The following LRRC4C variants were observed in gnomAD, a reference collection of about 807,000 sequenced individuals.
The protein encoded by LRRC4C is leucine rich repeat containing 4C.
LRRC4C carries 5 observed loss-of-function variants against 33.6 expected under a neutral mutation model. The observed-to-expected ratio is 0.15, with a 90% CI of 0.08 to 0.31. The LOEUF (loss-of-function observed/expected upper bound fraction) is 0.31, where lower values mean the gene tolerates loss of function less well. Among genes scored for constraint, LRRC4C ranks in the 10% least tolerant of loss-of-function variants. The probability of loss-of-function intolerance (pLI) is 1.00; values close to 1 mark genes in which losing one functional copy is unlikely to be tolerated. For missense variants in LRRC4C, 560 were observed against 796.7 expected, an observed-to-expected ratio of 0.70 and a Z score of 3.58; for synonymous variants, 329 against 302.0, an observed-to-expected ratio of 1.09 and a Z score of -0.93.
intron 4 of LRRC4C, among the ~76,000 whole-genome samples, chr11:40,301,179 A>G (rs1211149288): frequency 1.3e-5 from 2 of 152,236 alleles, no homozygotes; most frequent in African/African-American, 4.8e-5. Flanking sequence ...ACTTAAAGTA[A>G]TAAGAAGAAA....
At chr11:41,137,468 A>G (rs1359308585) in intron 1 of LRRC4C, among the ~76,000 whole-genome samples, 1 of 152,174 alleles carries the variant, frequency 6.6e-6, no homozygotes, top group African/African-American at 2.4e-5. Flanking sequence ...ATAGCATGGT[A>G]TGAAAACTGT....
chr11:40,699,338 A>T (rs1323989376), intron 2 of LRRC4C, among the ~76,000 whole-genome samples: 1 of 152,082 alleles, frequency 6.6e-6, no homozygotes, highest in Non-Finnish European at 1.5e-5. Flanking sequence ...ACAGAGATTG[A>T]TTCAGCTCAG....
chr11:40,759,152 A>G (rs1949078808), intron 2 of LRRC4C, among the ~76,000 whole-genome samples: 1 of 147,214 alleles, frequency 6.8e-6, no homozygotes, highest in African/African-American at 2.5e-5. Flanking sequence ...TTCCATATAT[A>G]TGTAAAACTA....
chr11:40,988,114 C>G (rs1853205524), intron 1 of LRRC4C, among the ~76,000 whole-genome samples: 1 of 152,044 alleles, frequency 6.6e-6, no homozygotes, highest in African/African-American at 2.4e-5. Flanking sequence ...GTAGTTTTTG[C>G]TCACAGGAGT....
chr11:41,191,928 C>T (rs1031078492), intron 1 of LRRC4C, among the ~76,000 whole-genome samples: 2 of 152,080 alleles, frequency 1.3e-5, no homozygotes, highest in Non-Finnish European at 1.5e-5. Context: ...CATCTAATTT[C>T]GGTGCCAAAG....
chr11:40,473,669 G>GT (rs1000628330), intron 3 of LRRC4C, among the ~76,000 whole-genome samples: 2 of 152,122 alleles, frequency 1.3e-5, no homozygotes, highest in Non-Finnish European at 2.9e-5. Context: ...AATTGTCTCT[G>GT]TTTACAGATG....
chr11:41,111,665 GT>G (rs1422155496), intron 1 of LRRC4C, among the ~76,000 whole-genome samples: 1 of 151,992 alleles, frequency 6.6e-6, no homozygotes, highest in East Asian at 1.9e-4. Flanking sequence ...TTACAGACAG[GT>G]TGCTCTGCTG....
At chr11:41,027,548 T>C (rs1182747287) in intron 1 of LRRC4C, among the ~76,000 whole-genome samples, 1 of 151,746 alleles carries the variant, frequency 6.6e-6, no homozygotes, top group African/African-American at 2.4e-5. Context: ...ACAATAATTT[T>C]AACGTTAAAA....
At chr11:40,123,466 G>C (rs548441459) in intron 6 of LRRC4C, among the ~76,000 whole-genome samples, 1 of 151,810 alleles carries the variant, frequency 6.6e-6, no homozygotes, top group African/African-American at 2.4e-5. Context: ...TCTGAAAAAA[G>C]AAATCAAGAA....
intron 1 of LRRC4C, among the ~76,000 whole-genome samples, chr11:41,148,921 C>T (rs1943854989): frequency 6.6e-6 from 1 of 152,118 alleles, no homozygotes. Context: ...CGAATCATAG[C>T]ACCAGCTAAA....
At chr11:40,358,904 T>A (rs1947813853) in intron 3 of LRRC4C, among the ~76,000 whole-genome samples, 1 of 152,164 alleles carries the variant, frequency 6.6e-6, no homozygotes, top group African/African-American at 2.4e-5. Flanking sequence ...CTCTCAAATG[T>A]GAGCTGGTGC....
chr11:40,643,298 G>C (rs1357905792), intron 3 of LRRC4C, among the ~76,000 whole-genome samples: 1 of 152,098 alleles, frequency 6.6e-6, no homozygotes, highest in Non-Finnish European at 1.5e-5. Flanking sequence ...CCATACATAA[G>C]AGAAAAATGT....
chr11:40,326,262 T>C (rs1946097048), intron 3 of LRRC4C, among the ~76,000 whole-genome samples: 1 of 152,110 alleles, frequency 6.6e-6, no homozygotes, highest in Non-Finnish European at 1.5e-5. Context: ...TGGCAATTAT[T>C]ATTTACCAAA....
At chr11:40,490,619 G>A (rs1954100420) in intron 3 of LRRC4C, among the ~76,000 whole-genome samples, 1 of 152,090 alleles carries the variant, frequency 6.6e-6, no homozygotes, top group Admixed American at 6.6e-5. Context: ...ACTGAATGTA[G>A]CTCCTCACTG....
chr11:40,781,458 T>C (rs1393631564), intron 2 of LRRC4C, among the ~76,000 whole-genome samples: 1 of 152,152 alleles, frequency 6.6e-6, no homozygotes, highest in Non-Finnish European at 1.5e-5. Flanking sequence ...TAGCACAACA[T>C]TCTGTGTTAT....
intron 1 of LRRC4C, among the ~76,000 whole-genome samples, chr11:41,416,563 C>A (rs1954689164): frequency 6.6e-6 from 1 of 151,990 alleles, no homozygotes. Flanking sequence ...TCCTGTACTT[C>A]ATGTTACGGA....
intron 1 of LRRC4C, among the ~76,000 whole-genome samples, chr11:41,410,701 A>G (rs61877332): frequency 0.083 from 12,664 of 152,150 alleles, 1,537 homozygotes; most frequent in African/African-American, 0.27. Context: ...CGGCCTCCCA[A>G]AATGATGGGA....
intron 3 of LRRC4C, among the ~76,000 whole-genome samples, chr11:40,448,149 C>A (rs1951724443): frequency 6.6e-6 from 1 of 152,148 alleles, no homozygotes; most frequent in African/African-American, 2.4e-5. Flanking sequence ...ATTACCATTG[C>A]AGTTCCACAA....
intron 1 of LRRC4C, among the ~76,000 whole-genome samples, chr11:41,106,212 A>G (rs969421888): frequency 3.3e-5 from 5 of 151,810 alleles, no homozygotes; most frequent in African/African-American, 4.8e-5. Flanking sequence ...CCTTTATTAT[A>G]TTCTTTCCAT....
Sources: gnomAD v4.1 joint callset for allele counts (sites outside exome capture counted in the v4.1 genomes callset) on GRCh38, gnomAD v4.1.1 for gene constraint, MANE v1.5 for transcripts, NCBI Gene and HGNC (gene_info 2026-07-23, HGNC 2026-07-21) for gene names.